SNX25: variants seen among roughly 807,000 people sequenced by gnomAD.
The protein encoded by SNX25 is sorting nexin 25.
A neutral mutation model predicts 113.7 loss-of-function variants in SNX25; 62 were observed. That is an observed-to-expected ratio of 0.55 (90% confidence interval 0.44 to 0.67). The LOEUF is 0.67. Among genes scored for constraint, SNX25 ranks in the 30% least tolerant of loss-of-function variants. SNX25 has a pLI of 0.00. For synonymous variants in SNX25, 421 were observed against 436.2 expected, an observed-to-expected ratio of 0.97 and a Z score of 0.43; for missense variants, 1,014 against 1,161.0, an observed-to-expected ratio of 0.87 and a Z score of 1.84.
At chr4:185,318,218 A>C (rs944800351) in intron 7 of SNX25, among the ~76,000 whole-genome samples, 1 of 152,222 alleles carries the variant, frequency 6.6e-6, no homozygotes, top group Non-Finnish European at 1.5e-5. Flanking sequence ...AAGAATTTCA[A>C]AATGTAAGTT....
chr4:185,369,708 A>C (rs1311857206), intron 11 of SNX25: 1 of 430,150 alleles, frequency 2.3e-6, no homozygotes, highest in Non-Finnish European at 4.6e-6. Context: ...ATTTTAAAGT[A>C]ATTTAGGGTT....
At chr4:185,374,348 A>G (rs888594328), downstream of SNX25, 2 of 1,613,894 alleles carry the variant, frequency 1.2e-6, no homozygotes, top group East Asian at 2.2e-5. Context: ...ATCGTTTAAC[A>G]CCTTTTCCTT....
intron 15 of SNX25, 126 bp from the exon 16 acceptor site, chr4:185,357,545 T>A (rs1046097320): frequency 1.0e-5 from 8 of 774,516 alleles, no homozygotes; most frequent in African/African-American, 1.7e-5. Flanking sequence ...GCAGATGTCA[T>A]AGCCATGACT....
At chr4:185,239,620 G>C (rs950697251) in intron 1 of SNX25, among the ~76,000 whole-genome samples, 2 of 151,878 alleles carry the variant, frequency 1.3e-5, no homozygotes. Context: ...TTTTCAAATA[G>C]GTTTAAATCT....
At chr4:185,352,713 T>C (rs2095321960) in intron 14 of SNX25, among the ~76,000 whole-genome samples, 1 of 152,242 alleles carries the variant, frequency 6.6e-6, no homozygotes, top group East Asian at 1.9e-4. Flanking sequence ...CCAGCCTCTA[T>C]GACTTCCCTG....
At chr4:185,305,428 A>G (rs1754323511) in intron 6 of SNX25, among the ~76,000 whole-genome samples, 1 of 152,154 alleles carries the variant, frequency 6.6e-6, no homozygotes, top group African/African-American at 2.4e-5. Flanking sequence ...TTTATACCTG[A>G]AAAGCACAGT....
At chr4:185,220,364 G>A (rs1739591337) in intron 1 of SNX25, among the ~76,000 whole-genome samples, 1 of 151,854 alleles carries the variant, frequency 6.6e-6, no homozygotes, top group South Asian at 2.1e-4. Context: ...CATGTGCCAT[G>A]TTGGTGTGCT....
At chr4:185,204,911 G>A (rs1423375982), upstream of SNX25, among the ~76,000 whole-genome samples, 2 of 152,374 alleles carry the variant, frequency 1.3e-5, no homozygotes, top group East Asian at 3.9e-4. Flanking sequence ...CTTAAGCACT[G>A]TAAGACAATA....
chr4:185,287,814 C>T (rs1204735716), intron 5 of SNX25, among the ~76,000 whole-genome samples, 198 bp from the exon 6 acceptor site: 6 of 122,192 alleles, frequency 4.9e-5, no homozygotes, highest in Non-Finnish European at 7.3e-5. Flanking sequence ...TACGTGAGGG[C>T]CTCAGAATGA....
At chr4:185,370,650 T>C (rs1357153380), downstream of SNX25, 10 of 1,613,856 alleles carry the variant, frequency 6.2e-6, no homozygotes, top group Non-Finnish European at 8.5e-6. Flanking sequence ...TTTAGAATAA[T>C]AGTGTTTAGC....
At chr4:185,325,274 C>G (rs145171673) in intron 9 of SNX25, among the ~76,000 whole-genome samples, 60 of 152,268 alleles carry the variant, frequency 3.9e-4, no homozygotes, top group African/African-American at 1.3e-3. Context: ...TGGCTCACGC[C>G]TGTAATCCCA....
intron 2 of SNX25, among the ~76,000 whole-genome samples, chr4:185,256,241 G>A (rs903523715): frequency 1.3e-5 from 2 of 152,100 alleles, no homozygotes; most frequent in African/African-American, 4.8e-5. Flanking sequence ...TCAGCTGGAA[G>A]GCACAGTTAT....
chr4:185,242,661 C>A (rs1744246170), intron 1 of SNX25, among the ~76,000 whole-genome samples: 1 of 152,164 alleles, frequency 6.6e-6, no homozygotes, highest in African/African-American at 2.4e-5. Flanking sequence ...TCCCGAAGCT[C>A]ACTGAGCCCT....
At chr4:185,340,822 T>C (rs75907164) in intron 11 of SNX25, among the ~76,000 whole-genome samples, 3,109 of 152,226 alleles carry the variant, frequency 0.02, 74 homozygotes, top group African/African-American at 0.052. Context: ...GCACTCTGGC[T>C]GGTGAAAAGA....
At chr4:185,247,422 C>A in intron 2 of SNX25, 44 bp downstream of exon 2, 2 of 1,299,914 alleles carry the variant, frequency 1.5e-6, no homozygotes, top group South Asian at 1.2e-5. Context: ...TAAAGCAATT[C>A]ATTATGTTCT....
At chr4:185,278,011 C>T (rs544946325) in intron 5 of SNX25, among the ~76,000 whole-genome samples, 1 of 45,232 alleles carries the variant, frequency 2.2e-5, no homozygotes, top group Non-Finnish European at 5.0e-5. Flanking sequence ...GGATTACAGG[C>T]GTGAGCCACC....
intron 6 of SNX25, among the ~76,000 whole-genome samples, chr4:185,291,720 A>G (rs1202732344): frequency 6.6e-6 from 1 of 152,104 alleles, no homozygotes; most frequent in Non-Finnish European, 1.5e-5. Context: ...CTCAGTTGTC[A>G]CGTGATATTC....
chr4:185,371,888 G>A (rs1196954781), downstream of SNX25, among the ~76,000 whole-genome samples: 1 of 152,062 alleles, frequency 6.6e-6, no homozygotes, highest in Non-Finnish European at 1.5e-5. Context: ...TCGGAGAGGG[G>A]GGAGACCTGG....
At chr4:185,267,521 A>G (rs536468190) in intron 5 of SNX25, among the ~76,000 whole-genome samples, 49 of 152,192 alleles carry the variant, frequency 3.2e-4, no homozygotes, top group African/African-American at 1.1e-3. Context: ...ACTTGAGGTC[A>G]GGAGTTCAAG....
Sources: gnomAD v4.1 joint callset for allele counts (sites outside exome capture counted in the v4.1 genomes callset) on GRCh38, gnomAD v4.1.1 for gene constraint, MANE v1.5 for transcripts, NCBI Gene and HGNC (gene_info 2026-07-23, HGNC 2026-07-21) for gene names.